Variants in OTUD7B observed in about 807,000 individuals in gnomAD.
OTUD7B encodes the protein OTU deubiquitinase 7B.
In OTUD7B, 34 loss-of-function variants were observed where a neutral mutation model predicts 82.2. That is an observed-to-expected ratio of 0.41 (90% confidence interval 0.31 to 0.55). The LOEUF (loss-of-function observed/expected upper bound fraction) is 0.55. OTUD7B is among the 20% of genes least tolerant of loss of function. The pLI is 0.20. For synonymous variants in OTUD7B, 398 were observed against 402.7 expected (o/e 0.99, Z 0.14); for missense variants, 944 against 1,062.1 (o/e 0.89, Z 1.55).
chr1:150,027,826 T>C, the OTUD7B span, among the ~76,000 whole-genome samples: 1 of 152,160 alleles, frequency 6.6e-6, no homozygotes, highest in Non-Finnish European at 1.5e-5. Flanking sequence ...TATTTTATCC[T>C]GAGAGATTTT....
the OTUD7B span, among the ~76,000 whole-genome samples, chr1:150,019,957 T>C: frequency 1.3e-5 from 2 of 151,956 alleles, no homozygotes; most frequent in Non-Finnish European, 1.5e-5. Context: ...GGCAATGTAG[T>C]GAGACACTGT....
intron 4 of OTUD7B, 114 bp downstream of exon 4, chr1:149,967,180 G>T: frequency 1.6e-6 from 1 of 639,088 alleles, no homozygotes; most frequent in Non-Finnish European, 2.7e-6. Flanking sequence ...TCCTGACTTT[G>T]CAATCAGATA....
At chr1:149,957,332 T>C (rs6687910) in intron 7 of OTUD7B, among the ~76,000 whole-genome samples, 18,203 of 151,590 alleles carry the variant, frequency 0.12, 2,033 homozygotes, top group African/African-American at 0.27. Context: ...GTATCACCAG[T>C]GGAGGCTGCA....
At chr1:149,963,990 G>C (rs1286089676) in intron 6 of OTUD7B, 1 of 430,664 alleles carries the variant, frequency 2.3e-6, no homozygotes, top group Non-Finnish European at 4.1e-6. Context: ...TGGGGGAAAA[G>C]CACAATGTTA....
At chr1:150,065,979 T>C in the OTUD7B span, among the ~76,000 whole-genome samples, 2 of 152,246 alleles carry the variant, frequency 1.3e-5, no homozygotes, top group African/African-American at 4.8e-5. Flanking sequence ...AAAAGTTATG[T>C]GCCCAAGTAT....
At chr1:149,946,138 G>A (rs969493988) in intron 11 of OTUD7B, among the ~76,000 whole-genome samples, 7 of 151,608 alleles carry the variant, frequency 4.6e-5, no homozygotes, top group African/African-American at 1.2e-4. Context: ...CAGCACTTTC[G>A]GGGGCCAAGG....
the OTUD7B span, among the ~76,000 whole-genome samples, chr1:150,046,526 C>A: frequency 2.1e-5 from 3 of 145,732 alleles, no homozygotes; most frequent in African/African-American, 2.5e-5. Flanking sequence ...CGGCTCACTG[C>A]AACCTCCACC....
intron 1 of OTUD7B, among the ~76,000 whole-genome samples, chr1:149,981,975 C>T (rs1553779760): frequency 6.6e-6 from 1 of 152,060 alleles, no homozygotes; most frequent in Non-Finnish European, 1.5e-5. Context: ...CGGTGAAACC[C>T]TGTCTCTACT....
At chr1:149,974,568 T>TA (rs1650171412) in intron 2 of OTUD7B, among the ~76,000 whole-genome samples, 2 of 119,540 alleles carry the variant, frequency 1.7e-5, no homozygotes, top group South Asian at 5.1e-4. Context: ...TTTTTTTTTG[T>TA]AGACAGAGTC....
the OTUD7B span, among the ~76,000 whole-genome samples, chr1:150,062,204 G>T: frequency 6.6e-6 from 1 of 152,150 alleles, no homozygotes; most frequent in African/African-American, 2.4e-5. Context: ...ACGAATTTTT[G>T]AGTACAAGAG....
chr1:149,988,293 T>G (rs1651296281), intron 1 of OTUD7B, among the ~76,000 whole-genome samples: 1 of 152,212 alleles, frequency 6.6e-6, no homozygotes, highest in Non-Finnish European at 1.5e-5. Context: ...CATTAAGGTC[T>G]CAGGAACTAG....
chr1:150,013,995 TACACAC>T (rs1260199281), upstream of OTUD7B, among the ~76,000 whole-genome samples: 2 of 127,100 alleles, frequency 1.6e-5, no homozygotes, highest in Non-Finnish European at 3.4e-5. Context: ...CACACATATA[TACACAC>T]ATATATATAC....
chr1:149,952,884 T>C (rs1184837710), intron 7 of OTUD7B, among the ~76,000 whole-genome samples: 1 of 152,242 alleles, frequency 6.6e-6, no homozygotes, highest in East Asian at 1.9e-4. Context: ...CTTCGCCCAC[T>C]TTTTGATGGG....
chr1:149,944,090 G>T lies in OTUD7B; in HGVS notation c.2299C>A (p.Pro767Thr), dbSNP rs367568103. ...DGLHRGALLPPPYRVADSYSN... is the reference protein window; with the variant it reads ...DGLHRGALLPTPYRVADSYSN... ...TAGGAATCAGCCACTCGGTAGGGGGGTGGTAACAAGGCACCCCTGTGAAGT... is the reference window on the plus strand; with the variant it reads ...TAGGAATCAGCCACTCGGTAGGGGGTTGGTAACAAGGCACCCCTGTGAAGT... Residue 767 changes from proline (P) to threonine (T), a missense_variant, in exon 12 of 12, where the codon CCC becomes ACC. By Grantham distance (38) the Pro-to-Thr change is conservative. This residue lies in a region of OTUD7B where 412 missense variants were observed against 418.7 expected (regional missense o/e 0.98). Coordinates refer to ENST00000581312, the MANE Select transcript of OTUD7B (RefSeq NM_020205.4). The T allele has an allele frequency of 5.0e-6, 8 of 1,613,990 alleles. No homozygotes were observed. The East Asian group carries it at 1.3e-4, about 27-fold the overall frequency.
At chr1:150,060,820 T>C in the OTUD7B span, among the ~76,000 whole-genome samples, 1 of 152,250 alleles carries the variant, frequency 6.6e-6, no homozygotes, top group Admixed American at 6.5e-5. Flanking sequence ...GAAGCACCTA[T>C]GCTCTGGTTC....
At position 149,945,045 on chromosome 1, in the gene OTUD7B, C is replaced by T; in HGVS notation, c.1344G>A (p.Glu448=). The T allele has an allele frequency of 6.2e-7, 1 of 1,613,928 alleles. No homozygotes were observed. The change falls in exon 12 of 12, where the codon GAG becomes GAA. Residue 448 remains glutamate (E), a synonymous_variant. Coordinates refer to ENST00000581312, the MANE Select transcript of OTUD7B (RefSeq NM_020205.4). ...CATCTCCAGCTGAGGCGGTGGGGGA[C>T]TCAGGCTGGGCCAGAGGAGCCTGGA... ...SDAQAPLAQP[E]SPTASAGDEP...
intron 1 of OTUD7B, among the ~76,000 whole-genome samples, chr1:149,999,138 A>G (rs12081082): frequency 0.12 from 18,086 of 152,202 alleles, 1,673 homozygotes; most frequent in African/African-American, 0.26. Flanking sequence ...GTTTCAATCA[A>G]GCAGCAAACA....
chr1:150,012,418 C>T (rs1553787654), upstream of OTUD7B, among the ~76,000 whole-genome samples: 1 of 152,154 alleles, frequency 6.6e-6, no homozygotes, highest in African/African-American at 2.4e-5. Context: ...CAATCACTGA[C>T]CACACCTACC....
At chr1:149,950,243 G>A (rs782107160) in intron 7 of OTUD7B, 22 bp from the exon 8 acceptor site, 23 of 1,612,824 alleles carry the variant, frequency 1.4e-5, no homozygotes, top group African/African-American at 2.7e-5. Flanking sequence ...GGAAGGGAGA[G>A]AGTGAAAAGG....
Sources: gnomAD v4.1 joint callset for allele counts (sites outside exome capture counted in the v4.1 genomes callset) on GRCh38, gnomAD v4.1.1 for gene constraint, gnomAD v4.1.1 regional missense constraint, MANE v1.5 for transcripts, NCBI Gene and HGNC (gene_info 2026-07-23, HGNC 2026-07-21) for gene names.